Variants in FBN3 observed in about 807,000 individuals in gnomAD.
FBN3 encodes the protein fibrillin 3, also known as fibrillin-3.
In FBN3, 234 loss-of-function variants were observed where a neutral mutation model predicts 330.1. The ratio of observed to expected loss-of-function variants is 0.71; its 90% CI spans 0.64 to 0.79. The LOEUF (loss-of-function observed/expected upper bound fraction) is 0.79. Ranked by LOEUF, FBN3 falls within the 30% of genes least tolerant of loss-of-function variation. The pLI is 0.00. For missense variants in FBN3, 3,606 were observed against 3,886.9 expected (o/e 0.93, Z 1.92); for synonymous variants, 1,458 against 1,517.3 (o/e 0.96, Z 0.91).
At chr19:8,147,226 G>A (rs757464898) in intron 2 of FBN3, 40 bp from the exon 3 acceptor site, 69 of 1,557,198 alleles carry the variant, frequency 4.4e-5, no homozygotes, top group Non-Finnish European at 5.7e-5. Flanking sequence ...GCCCCTGCCC[G>A]TGTGGACATC....
At position 8,136,457 on chromosome 19, in the gene FBN3, G is replaced by C; in HGVS notation, c.1276C>G (p.Pro426Ala). The change falls in exon 11 of 64, where the codon CCC (proline) becomes GCC (alanine). Residue 426 changes from proline to alanine, a missense_variant. Pro to Ala is a conservative substitution (Grantham distance 27). Transcript: ENST00000600128. ...TCGCAGCGGTAGCTGGAAGGCGTGG[G>C]CAGGCAGCGGCCATTCAGACACAGG... ...TNLCLNGRCL[P>A]TPSSYRCECN... 6.2e-7 allele frequency: 1 copy of C among 1,614,184 alleles called. No individual in the cohort carries two copies. The highest frequency in any genetic ancestry group is 8.5e-7 in the Non-Finnish European group (1 of 1,180,018).
In FBN3 at chr19:8,065,865, A is replaced by G. The variant is rs923836514; in HGVS notation, c.*54T>C. Reference sequence around the variant, plus strand: ...TCGCTTCTGGGGATCAGTCCTTCCCAGTTCCAGAATCCCCCTTCTCTGGAC... The same window carrying G: ...TCGCTTCTGGGGATCAGTCCTTCCCGGTTCCAGAATCCCCCTTCTCTGGAC... On this transcript the variant is annotated 3_prime_UTR_variant, in exon 64 of 64. Coordinates refer to ENST00000600128, the MANE Select transcript of FBN3 (RefSeq NM_032447.5). The G allele has an allele frequency of 5.8e-6, 8 of 1,377,388 alleles. No homozygotes were observed. The Admixed American group carries it at 1.6e-4, about 27-fold the overall frequency. 85.3% of individuals were successfully genotyped at this position (1,377,388 alleles called of 1,614,324 possible).
At chr19:8,087,713 T>C (rs1043830507) in intron 53 of FBN3, 112 bp downstream of exon 53, 8 of 941,008 alleles carry the variant, frequency 8.5e-6, no homozygotes, top group African/African-American at 3.3e-5. Context: ...TTCAAGCGAT[T>C]CTCCTGTCTC....
chr19:8,078,761 A>G (rs1402902650), intron 59 of FBN3, among the ~76,000 whole-genome samples: 2 of 146,846 alleles, frequency 1.4e-5, no homozygotes, highest in African/African-American at 5.1e-5. Context: ...TTGTTTCAAG[A>G]GTCTTTGTTC....
At position 8,141,951 on chromosome 19, in the gene FBN3, C is replaced by T. The variant is rs1009134367; in HGVS notation, c.728G>A (p.Gly243Glu). ...ACCCCACTATTCACCTTGGCAGGCC[C>T]CCGTGTGGATATTGGGGATGAAGCC... Reference protein sequence around the residue: ...RRGFIPNIHTGACQDVDECQA... With the variant: ...RRGFIPNIHTEACQDVDECQA... The change falls in exon 7 of 64, where the codon GGG becomes GAG. Residue 243 changes from glycine (G) to glutamate (E), a missense_variant. Transcript: ENST00000600128. 1.2e-6 allele frequency: 2 copies of T among 1,614,218 alleles called. No individual in the cohort carries two copies. The highest frequency in any genetic ancestry group is 2.7e-5 in the African/African-American group (2 of 75,056).
At position 8,073,052 on chromosome 19, in the gene FBN3, C is replaced by A. The variant is rs553315507; in HGVS notation, c.7937+11G>T. On this transcript the variant is annotated intron_variant, in intron 62 of 63. Transcript: ENST00000600128. Reference sequence around the variant, plus strand: ...GGCATGGAGTCTGCTTGCCCCACTCCAGCCTCTCACCCTTGCCCAGCCCGG... The same window carrying A: ...GGCATGGAGTCTGCTTGCCCCACTCAAGCCTCTCACCCTTGCCCAGCCCGG... 1 of 1,591,012 alleles carries A rather than the reference C, an allele frequency of 6.3e-7. No individual in the cohort carries two copies. Among genetic ancestry groups the A allele is most frequent in the African/African-American group, 1.3e-5 (1 of 74,142 alleles).
Position 8,096,660 on chromosome 19 carries a change from C to T in FBN3, c.5414-91G>A. On this transcript the variant is annotated intron_variant, in intron 43 of 63. Transcript: ENST00000600128. This position sits in a 1 kb window ranked among gnomAD's most constrained non-coding sequence, Gnocchi z 4.6. ...CTGCAATGGGGAAGCCAGAATCTGCCTTGAAGTTCCCCACTCAAACTTCCA... is the reference window on the plus strand; with the variant it reads ...CTGCAATGGGGAAGCCAGAATCTGCTTTGAAGTTCCCCACTCAAACTTCCA... 6.7e-7 allele frequency: 1 copy of T among 1,500,060 alleles called. No individual in the cohort carries two copies. Among genetic ancestry groups the T allele is most frequent in the Non-Finnish European group, 8.9e-7 (1 of 1,121,120 alleles). The allele number at this position is 1,500,060 out of a possible 1,614,324, so 92.9% of individuals were successfully genotyped here.
intron 47 of FBN3, among the ~76,000 whole-genome samples, chr19:8,093,067 G>GA (rs1422956708): frequency 3.6e-5 from 3 of 83,996 alleles, no homozygotes; most frequent in Non-Finnish European, 8.9e-5. Context: ...ATTAAAATAA[G>GA]AAAAAATAGA....
chr19:8,126,433 C>A, intron 20 of FBN3, 35 bp downstream of exon 20: 1 of 1,601,332 alleles, frequency 6.2e-7, no homozygotes, highest in East Asian at 2.3e-5. Context: ...GGGCTTTTCC[C>A]ATGGGTGCCT....
chr19:8,133,357 C>T (rs889635268), intron 13 of FBN3, among the ~76,000 whole-genome samples: 2 of 152,202 alleles, frequency 1.3e-5, no homozygotes, highest in Non-Finnish European at 2.9e-5. Flanking sequence ...TTGCTCAAAG[C>T]TGAATAAACG....
chr19:8,108,428 C>T lies in FBN3; in HGVS notation c.4619-190G>A, dbSNP rs79821262. 9.9e-3 allele frequency among the ~76,000 whole-genome samples: 1,502 copies of T among 152,044 alleles called. 14 individuals carry two copies. The highest frequency in any genetic ancestry group is 0.016 in the Non-Finnish European group (1,080 of 67,970). ...CTTTGGCCAGTCCTGGGGCTGCTTG[C>T]GTGTGTGTGTGCATGTGCGTGTGCA... On this transcript the variant is annotated intron_variant, in intron 36 of 63. Coordinates refer to ENST00000600128, the MANE Select transcript of FBN3 (RefSeq NM_032447.5).
intron 48 of FBN3, among the ~76,000 whole-genome samples, chr19:8,090,848 T>A (rs537367818): frequency 6.6e-6 from 1 of 152,122 alleles, no homozygotes; most frequent in Non-Finnish European, 1.5e-5. Context: ...GGTGTTCTCA[T>A]GCCAGGAAGA....
chr19:8,110,480 T>C (rs2082552615), intron 34 of FBN3, among the ~76,000 whole-genome samples: 1 of 152,240 alleles, frequency 6.6e-6, no homozygotes, highest in South Asian at 2.1e-4. Flanking sequence ...CCACATTCAT[T>C]CATTTACATA....
In FBN3 at chr19:8,131,373, GT is replaced by G. The variant is rs1430495864; in HGVS notation, c.1991-86del. 4.6e-6 allele frequency: 7 copies of G among 1,524,150 alleles called. No homozygotes were observed. Among genetic ancestry groups the G allele is most frequent in the Non-Finnish European group, 5.4e-6 (6 of 1,109,536 alleles). 94.4% of individuals were successfully genotyped at this position (1,524,150 alleles called of 1,614,324 possible). A position where few individuals can be genotyped will look rare whatever the true frequency, so the allele number is the denominator to read the frequency against. On this transcript the variant is annotated intron_variant, in intron 15 of 63. Transcript: ENST00000600128. The surrounding 1 kb of genome is among the most constrained non-coding windows in gnomAD (Gnocchi z 4.5). ...CCACAGGCAAGGATGAGGCCCTCTGGTCTTGGGCAAGAGTTTGGGACTAAGA... is the reference window on the plus strand; with the variant it reads ...CCACAGGCAAGGATGAGGCCCTCTGGCTTGGGCAAGAGTTTGGGACTAAGA...
At chr19:8,145,485 C>A (rs1312302204) in intron 5 of FBN3, among the ~76,000 whole-genome samples, 1 of 151,294 alleles carries the variant, frequency 6.6e-6, no homozygotes, top group Non-Finnish European at 1.5e-5. Context: ...TCAAGACCAT[C>A]CTGGCTAACA....
At chr19:8,111,915 ACCG>A in intron 31 of FBN3, 59 bp downstream of exon 31, 1 of 140,688 alleles carries the variant, frequency 7.1e-6, no homozygotes, top group South Asian at 1.5e-4. Flanking sequence ...CTTGCCCCCC[ACCG>A]CCTTGCCCCC....
rs1224239350 is a variant in FBN3, at chr19:8,075,380, TG to T, written c.7484del (p.Pro2495HisfsTer35). The stretch of plus-strand genomic sequence containing the variant: ...TGTGGCAGTGCCCGTGGGCACCACA[TG>T]GGCCAGGCTGGGCTGAGCACTCATC... ...DNDECSAQPG[P>X]CGAHGHCHNT... On this transcript the variant is annotated frameshift_variant, in exon 60 of 64. Transcript: ENST00000600128. LOFTEE classifies it high-confidence loss of function. The T allele has an allele frequency of 1.9e-6, 3 of 1,613,864 alleles. No homozygotes were observed. The highest frequency in any genetic ancestry group is 2.7e-5 in the African/African-American group (2 of 74,926).
At chr19:8,135,302 G>GA (rs1313031173) in intron 13 of FBN3, among the ~76,000 whole-genome samples, 1 of 150,604 alleles carries the variant, frequency 6.6e-6, no homozygotes, top group East Asian at 1.9e-4. Flanking sequence ...TTTTGAGACT[G>GA]AGTCTCTCTC....
chr19:8,147,791 C>A (rs1829716514), intron 1 of FBN3: 2 of 305,958 alleles, frequency 6.5e-6, no homozygotes, highest in Admixed American at 9.7e-5. Flanking sequence ...TGGGGCCAGG[C>A]GTTGCAGGAG....
Sources: gnomAD v4.1 joint callset for allele counts (sites outside exome capture counted in the v4.1 genomes callset) on GRCh38, gnomAD v4.1.1 for gene constraint, Gnocchi (gnomAD v3.1) non-coding constraint, MANE v1.5 for transcripts, NCBI Gene and HGNC (gene_info 2026-07-23, HGNC 2026-07-21) for gene names.